The following RAI1 variants were observed in gnomAD, a reference collection of about 807,000 sequenced individuals.
The protein encoded by RAI1 is retinoic acid-induced protein 1.
In RAI1, 9 loss-of-function variants were observed where a neutral mutation model predicts 123.8. The observed-to-expected ratio is 0.07, with a 90% CI of 0.04 to 0.13. RAI1 has a LOEUF of 0.13. Ranked by LOEUF, RAI1 falls within the 10% of genes least tolerant of loss-of-function variation. The pLI is 1.00. For synonymous variants in RAI1, 1,231 were observed against 1,127.3 expected, an observed-to-expected ratio of 1.09 and a Z score of -1.84; for missense variants, 2,256 against 2,545.8, an observed-to-expected ratio of 0.89 and a Z score of 2.45.
chr17:17,787,847 C>T (rs2031879154), intron 2 of RAI1, among the ~76,000 whole-genome samples: 1 of 152,204 alleles, frequency 6.6e-6, no homozygotes. Context: ...GCAGGGATCC[C>T]ATTCAGCTGG....
intron 1 of RAI1, among the ~76,000 whole-genome samples, chr17:17,695,898 G>T (rs1171058649): frequency 6.6e-6 from 1 of 152,188 alleles, no homozygotes; most frequent in Non-Finnish European, 1.5e-5. Flanking sequence ...CAGCTAAATT[G>T]AATGTCGGCC....
chr17:17,794,521 C>A lies in RAI1; in HGVS notation c.1573C>A (p.Leu525Met). Residue 525 changes from leucine (L) to methionine (M), a missense_variant, in exon 3 of 6, where the codon CTG (leucine) becomes ATG (methionine). Physicochemically the swap from Leu to Met is conservative, Grantham distance 15. Coordinates refer to ENST00000353383, the MANE Select transcript of RAI1 (RefSeq NM_030665.4). ...ADYLSGSEDP[L>M]ERSFLYCNQA... is the part of the protein sequence containing the mutation. ...CTACCTGAGCGGCTCCGAGGACCCA[C>A]TGGAGCGCAGCTTCCTCTACTGCAA... The A allele has an allele frequency of 2.5e-6, 4 of 1,612,782 alleles. No homozygotes were observed. The highest frequency in any genetic ancestry group is 3.4e-6 in the Non-Finnish European group (4 of 1,179,856).
intron 2 of RAI1, among the ~76,000 whole-genome samples, chr17:17,733,585 T>A (rs1916334828): frequency 6.6e-6 from 1 of 152,088 alleles, no homozygotes. Flanking sequence ...CTCAGGGAAG[T>A]GACATGGCAC....
intron 1 of RAI1, among the ~76,000 whole-genome samples, chr17:17,705,130 A>C (rs1421970366): frequency 6.6e-6 from 1 of 152,208 alleles, no homozygotes; most frequent in Non-Finnish European, 1.5e-5. Flanking sequence ...CATGGCTAGC[A>C]CATCCTGACT....
chr17:17,755,559 T>A (rs2030405831), intron 2 of RAI1, among the ~76,000 whole-genome samples: 1 of 152,132 alleles, frequency 6.6e-6, no homozygotes, highest in Non-Finnish European at 1.5e-5. Flanking sequence ...AGCTCTTTGT[T>A]TGGGGGCATT....
In RAI1 at chr17:17,803,833, G is replaced by C. The variant is rs548093356; in HGVS notation, c.5643G>C (p.Pro1881=). The C allele has an allele frequency of 6.2e-7, 1 of 1,613,278 alleles. No homozygotes were observed. ...HKGCLHTYHY[P]CASDAGCIFI... is the part of the protein sequence containing the mutation. ...GATGCCTCCACACCTACCACTACCC[G>C]TGTGCCAGCGATGCAGGTACGAGCC... The change falls in exon 4 of 6, where the codon CCG becomes CCC. Residue 1881 remains proline, a synonymous_variant. Transcript: ENST00000353383.
intron 3 of RAI1, among the ~76,000 whole-genome samples, chr17:17,802,707 C>T (rs1437962647): frequency 9.9e-5 from 15 of 152,116 alleles, no homozygotes; most frequent in African/African-American, 3.4e-4. Flanking sequence ...ACCCGGGAGG[C>T]GGAGCTTGCA....
rs1160564339 is a variant in RAI1 at position 17,797,201 on chromosome 17, T to C, written c.4253T>C (p.Leu1418Pro). The change falls in exon 3 of 6, where the codon CTG becomes CCG. Residue 1418 changes from leucine (L) to proline (P), a missense_variant. Coordinates refer to ENST00000353383, the MANE Select transcript of RAI1 (RefSeq NM_030665.4). Reference sequence around the variant, plus strand: ...GGCAAACTCATGAACAGTAAGAAACTGTCTTCTACTGACTGTTTCAAAACC... The same window carrying C: ...GGCAAACTCATGAACAGTAAGAAACCGTCTTCTACTGACTGTTTCAAAACC... ...LKGKLMNSKK[L>P]SSTDCFKTEA... The C allele has an allele frequency of 6.2e-7, 1 of 1,613,788 alleles. No homozygotes were observed. Among genetic ancestry groups the C allele is most frequent in the Admixed American group, 1.7e-5 (1 of 60,030 alleles).
intron 2 of RAI1, among the ~76,000 whole-genome samples, chr17:17,731,781 C>T (rs1916279535): frequency 6.6e-6 from 1 of 152,140 alleles, no homozygotes; most frequent in African/African-American, 2.4e-5. Flanking sequence ...CAACCTCTTG[C>T]CTAAGCCCAG....
chr17:17,789,518 G>A (rs545292085), intron 2 of RAI1, among the ~76,000 whole-genome samples: 58 of 152,296 alleles, frequency 3.8e-4, no homozygotes, highest in African/African-American at 1.2e-3. Context: ...CTGGGGTTTC[G>A]TTGTGCCCCC....
intron 1 of RAI1, among the ~76,000 whole-genome samples, chr17:17,687,977 C>T (rs1202494798): frequency 7.4e-6 from 1 of 135,980 alleles, no homozygotes; most frequent in African/African-American, 2.9e-5. Flanking sequence ...TTGCAGCGAG[C>T]CAAGATAGCA....
intron 1 of RAI1, among the ~76,000 whole-genome samples, chr17:17,691,904 A>G (rs1176895064): frequency 6.6e-6 from 1 of 152,190 alleles, no homozygotes; most frequent in Non-Finnish European, 1.5e-5. Context: ...GAGAAGCAGG[A>G]AAAAAGAGCA....
intron 2 of RAI1, among the ~76,000 whole-genome samples, chr17:17,786,467 T>C (rs1285727967): frequency 6.6e-6 from 1 of 152,214 alleles, no homozygotes; most frequent in African/African-American, 2.4e-5. Flanking sequence ...TCAAGTTTGA[T>C]TACAACAAGG....
intron 2 of RAI1, among the ~76,000 whole-genome samples, chr17:17,774,095 A>C (rs2031256038): frequency 6.6e-6 from 1 of 152,196 alleles, no homozygotes; most frequent in African/African-American, 2.4e-5. Flanking sequence ...TCTATGAGTT[A>C]AAATGTGTAG....
rs529281431 is a variant in RAI1, at chr17:17,799,575, C to A, written c.5565+1062C>A. The stretch of plus-strand genomic sequence containing the variant: ...GCTGTGTGGTGGCTCTCAGTGGGGA[C>A]GCCTGCAGCCTTCTCTGGCCCCTGC... On this transcript the variant is annotated intron_variant, in intron 3 of 5. Transcript: ENST00000353383. This position sits in a 1 kb window ranked among gnomAD's most constrained non-coding sequence, Gnocchi z 4.5. 9.8e-4 allele frequency among the ~76,000 whole-genome samples: 149 copies of A among 152,268 alleles called. 1 individual carries two copies. Among genetic ancestry groups the A allele is most frequent in the Non-Finnish European group, 1.7e-3 (116 of 68,000 alleles).
At chr17:17,682,796 A>G (rs1459099679) in intron 1 of RAI1, among the ~76,000 whole-genome samples, 1 of 151,906 alleles carries the variant, frequency 6.6e-6, no homozygotes, top group East Asian at 1.9e-4. Flanking sequence ...CAGTCCACGC[A>G]GGGGCCGGAG....
chr17:17,802,049 A>C (rs1285463196), intron 3 of RAI1: 1 of 470,676 alleles, frequency 2.1e-6, no homozygotes, highest in Non-Finnish European at 4.4e-6. Context: ...GCACGGTGGC[A>C]CTGTGGCTCT....
chr17:17,733,755 G>C (rs1003374813), intron 2 of RAI1, among the ~76,000 whole-genome samples: 1 of 152,202 alleles, frequency 6.6e-6, no homozygotes, highest in African/African-American at 2.4e-5. Context: ...ATGCAGGAGG[G>C]ATTTCCATGT....
In RAI1 at chr17:17,797,728, G is replaced by A. The variant is rs748101529; in HGVS notation, c.4780G>A (p.Ala1594Thr). ...GCTGAGGTCAGACAGCCGGACCCCC[G>A]CCTTCTCACCCTTCGTGCGGGTGGA... ...KRLRSDSRTP[A>T]FSPFVRVEKR... Residue 1594 changes from alanine (A) to threonine (T), a missense_variant, in exon 3 of 6, where the codon GCC becomes ACC. Transcript: ENST00000353383. The A allele has an allele frequency of 4.3e-6, 7 of 1,613,722 alleles. No individual in the cohort carries two copies. The highest frequency in any genetic ancestry group is 1.1e-5 in the South Asian group (1 of 91,076).
Sources: gnomAD v4.1 joint callset for allele counts (sites outside exome capture counted in the v4.1 genomes callset) on GRCh38, gnomAD v4.1.1 for gene constraint, Gnocchi (gnomAD v3.1) non-coding constraint, MANE v1.5 for transcripts, NCBI Gene and HGNC (gene_info 2026-07-23, HGNC 2026-07-21) for gene names.